ZNF366: variants seen among roughly 807,000 people sequenced by gnomAD.
ZNF366 encodes zinc finger protein 366, also known as dendritic cell-specific transcript protein.
Under a neutral mutation model 47.2 loss-of-function variants are expected in ZNF366, and 20 were observed. The ratio of observed to expected loss-of-function variants is 0.42; its 90% CI spans 0.30 to 0.62. The LOEUF (loss-of-function observed/expected upper bound fraction) is 0.62. Among genes scored for constraint, ZNF366 ranks in the 20% least tolerant of loss-of-function variants. ZNF366 has a pLI of 0.16. For synonymous variants in ZNF366, 421 were observed against 395.1 expected (o/e 1.07, Z -0.78); for missense variants, 987 against 976.3 (o/e 1.01, Z -0.15).
chr5:72,464,779 G>A (rs555855580), intron 1 of ZNF366, among the ~76,000 whole-genome samples: 53 of 152,266 alleles, frequency 3.5e-4, no homozygotes, highest in African/African-American at 1.2e-3. Flanking sequence ...GTAGGATCTC[G>A]GCTGGGCGCA....
In ZNF366 at chr5:72,441,005, G is replaced by A. The variant is rs1742846640; in HGVS notation, c.*2751C>T. ...CTAATGTATAAATCAGATGGAACTT[G>A]AGCTGCTTGGAGTGAGGTGGGTGTG... On this transcript the variant is annotated 3_prime_UTR_variant, in exon 5 of 5. Transcript: ENST00000318442. The A allele has an allele frequency of 6.6e-6, 1 of 152,134 alleles. No individual in the cohort carries two copies. The highest frequency in any genetic ancestry group is 2.4e-5 in the African/African-American group (1 of 41,420). The allele number at this position is 152,134 out of a possible 1,614,324, so 9.4% of individuals were successfully genotyped here. A position where few individuals can be genotyped will look rare whatever the true frequency, so the allele number is the denominator to read the frequency against.
intron 1 of ZNF366, among the ~76,000 whole-genome samples, chr5:72,486,102 T>C (rs1743887074): frequency 6.6e-6 from 1 of 152,254 alleles, no homozygotes; most frequent in Admixed American, 6.5e-5. Flanking sequence ...ATTGTTCATT[T>C]TCCTCCACTA....
At chr5:72,454,592 G>T (rs1056158667) in intron 3 of ZNF366, among the ~76,000 whole-genome samples, 3 of 152,114 alleles carry the variant, frequency 2.0e-5, no homozygotes, top group African/African-American at 7.2e-5. Flanking sequence ...GAATTTTCAG[G>T]GGATTATAAA....
At chr5:72,478,735 T>G (rs1331742465) in intron 1 of ZNF366, among the ~76,000 whole-genome samples, 3 of 152,208 alleles carry the variant, frequency 2.0e-5, no homozygotes, top group African/African-American at 7.2e-5. Flanking sequence ...GGTGGAAATA[T>G]TCTGCAAATG....
chr5:72,459,492 AT>A (rs1743258063), intron 2 of ZNF366, among the ~76,000 whole-genome samples: 1 of 152,134 alleles, frequency 6.6e-6, no homozygotes, highest in Non-Finnish European at 1.5e-5. Flanking sequence ...TTGGGCCTGT[AT>A]TTCCCCTTGA....
At chr5:72,479,392 G>C (rs1240348497) in intron 1 of ZNF366, among the ~76,000 whole-genome samples, 4 of 151,462 alleles carry the variant, frequency 2.6e-5, no homozygotes, top group African/African-American at 7.3e-5. Context: ...GGGAGACACT[G>C]TCTCTATTTA....
intron 1 of ZNF366, among the ~76,000 whole-genome samples, chr5:72,469,596 G>A (rs550867062): frequency 2.1e-4 from 32 of 152,218 alleles, no homozygotes; most frequent in South Asian, 6.2e-4. Context: ...TTTAAATATC[G>A]TAGATACCAG....
chr5:72,444,377 T>C, intron 4 of ZNF366, 86 bp from the exon 5 acceptor site: 3 of 1,433,476 alleles, frequency 2.1e-6, no homozygotes, highest in Non-Finnish European at 2.8e-6. Context: ...CGGGGCCGTT[T>C]AATGTATTCC....
chr5:72,489,404 T>C (rs1194703883), intron 1 of ZNF366, among the ~76,000 whole-genome samples: 2 of 152,212 alleles, frequency 1.3e-5, no homozygotes, highest in Admixed American at 6.5e-5. Flanking sequence ...CTTTCTTTTT[T>C]TTAAAGCCGG....
At chr5:72,506,000 G>A (rs1290522464) in intron 1 of ZNF366, among the ~76,000 whole-genome samples, 1 of 152,206 alleles carries the variant, frequency 6.6e-6, no homozygotes, top group Admixed American at 6.5e-5. Flanking sequence ...CTACATCACA[G>A]TCTAGTTCTG....
chr5:72,479,711 A>G (rs1051109317), intron 1 of ZNF366, among the ~76,000 whole-genome samples: 3 of 152,232 alleles, frequency 2.0e-5, no homozygotes, highest in Non-Finnish European at 4.4e-5. Flanking sequence ...TAGAATCACC[A>G]GTAATAGAGA....
intron 1 of ZNF366, among the ~76,000 whole-genome samples, chr5:72,471,483 G>A (rs1184653255): frequency 6.6e-6 from 1 of 152,098 alleles, no homozygotes; most frequent in Non-Finnish European, 1.5e-5. Flanking sequence ...GAAGAATCTG[G>A]TATTATCTGC....
At chr5:72,476,222 C>T (rs1743672608) in intron 1 of ZNF366, among the ~76,000 whole-genome samples, 1 of 152,086 alleles carries the variant, frequency 6.6e-6, no homozygotes. Flanking sequence ...ACGAGAATCA[C>T]TTTGGAAGTT....
At chr5:72,471,151 T>C (rs1221930360) in intron 1 of ZNF366, among the ~76,000 whole-genome samples, 2 of 152,206 alleles carry the variant, frequency 1.3e-5, no homozygotes, top group Non-Finnish European at 2.9e-5. Flanking sequence ...TCCATGCAAA[T>C]GCTCATTCGC....
At chr5:72,487,018 A>G (rs1580250605) in intron 1 of ZNF366, among the ~76,000 whole-genome samples, 1 of 151,926 alleles carries the variant, frequency 6.6e-6, no homozygotes, top group Admixed American at 6.6e-5. Flanking sequence ...CTTGTGATCC[A>G]CCCGCCTTGG....
chr5:72,444,362 C>A (rs1429680465), intron 4 of ZNF366, 71 bp from the exon 5 acceptor site: 5 of 1,507,770 alleles, frequency 3.3e-6, no homozygotes, highest in Non-Finnish European at 3.6e-6. Context: ...GGAAGGGGAG[C>A]AGCCCGGGGC....
intron 1 of ZNF366, among the ~76,000 whole-genome samples, chr5:72,485,220 G>A (rs1743870431): frequency 6.6e-6 from 1 of 152,150 alleles, no homozygotes; most frequent in South Asian, 2.1e-4. Flanking sequence ...ATTTTACATG[G>A]ATTTGTGTGA....
intron 1 of ZNF366, among the ~76,000 whole-genome samples, chr5:72,469,364 A>G (rs1743497399): frequency 6.6e-6 from 1 of 152,240 alleles, no homozygotes. Context: ...GTTAAAAAAT[A>G]TAAAAGAAAT....
chr5:72,492,676 G>T (rs1156336552), intron 1 of ZNF366, among the ~76,000 whole-genome samples: 1 of 152,184 alleles, frequency 6.6e-6, no homozygotes, highest in Non-Finnish European at 1.5e-5. Context: ...TCCCTGAGAT[G>T]ATCTGAAAGC....
Sources: gnomAD v4.1 joint callset for allele counts (sites outside exome capture counted in the v4.1 genomes callset) on GRCh38, gnomAD v4.1.1 for gene constraint, MANE v1.5 for transcripts, NCBI Gene and HGNC (gene_info 2026-07-23, HGNC 2026-07-21) for gene names.